The following WNT10A variants were observed in gnomAD, a reference collection of about 807,000 sequenced individuals.
The protein encoded by WNT10A is protein Wnt-10a.
In WNT10A, 37 loss-of-function variants were observed where a neutral mutation model predicts 36.1. The ratio of observed to expected loss-of-function variants is 1.02; its 90% CI spans 0.79 to 1.35. WNT10A has a LOEUF of 1.35. Ranked by LOEUF, WNT10A falls within the 40% of genes most tolerant of loss-of-function variation. WNT10A has a pLI of 0.00. For synonymous variants in WNT10A, 255 were observed against 254.1 expected, an observed-to-expected ratio of 1.00 and a Z score of -0.03; for missense variants, 613 against 601.4, an observed-to-expected ratio of 1.02 and a Z score of -0.20.
rs1206679424 is a variant in WNT10A at position 218,893,389 on chromosome 2, C to T, written c.*118C>T. Reference sequence around the variant, plus strand: ...CTCTTGGGAAGAGGAGATTGGACCACATGATCTTATAGGAACCCCTCAGCT... The same window carrying T: ...CTCTTGGGAAGAGGAGATTGGACCATATGATCTTATAGGAACCCCTCAGCT... On this transcript the variant is annotated 3_prime_UTR_variant, in exon 4 of 4. Coordinates refer to ENST00000258411, the MANE Select transcript of WNT10A (RefSeq NM_025216.3). The surrounding 1 kb of genome is among the most constrained non-coding windows in gnomAD (Gnocchi z 6.3). 1.4e-6 allele frequency: 2 copies of T among 1,392,786 alleles called. No homozygotes were observed. The highest frequency in any genetic ancestry group is 2.5e-5 in the East Asian group (1 of 39,648). The allele number at this position is 1,392,786 out of a possible 1,614,324, so 86.3% of individuals were successfully genotyped here.
At position 218,892,926 on chromosome 2, in the gene WNT10A, C is replaced by T; in HGVS notation, c.909C>T (p.His303=). 2.0e-6 allele frequency: 3 copies of T among 1,497,172 alleles called. No individual in the cohort carries two copies. In the South Asian group the frequency reaches 3.8e-5, roughly 19 times the overall value. The allele number at this position is 1,497,172 out of a possible 1,614,324, so 92.7% of individuals were successfully genotyped here. The part of the protein sequence containing the change: ...RFHRATLIRP[H]NRNGGQLEPG... ...ACCGCGCCACGCTCATCCGGCCGCA[C>T]AACCGCAACGGCGGCCAGCTGGAGC... is the stretch of plus-strand genomic sequence containing the variant. The change falls in exon 4 of 4, where the codon CAC becomes CAT. Residue 303 remains histidine, a synonymous_variant. Transcript: ENST00000258411.
intron 2 of WNT10A, among the ~76,000 whole-genome samples, chr2:218,886,527 C>T (rs1944579333): frequency 6.6e-6 from 1 of 152,198 alleles, no homozygotes; most frequent in Non-Finnish European, 1.5e-5. Context: ...CCGTTGGCTG[C>T]TGTGGCCTGT....
At chr2:218,890,456 C>T in intron 3 of WNT10A, 93 bp downstream of exon 3, 1 of 1,559,364 alleles carries the variant, frequency 6.4e-7, no homozygotes, top group Non-Finnish European at 8.7e-7. Context: ...CCACGTTGCT[C>T]CCACATGTCA....
At chr2:218,883,354 G>A (rs1944540043) in intron 2 of WNT10A, among the ~76,000 whole-genome samples, 1 of 152,136 alleles carries the variant, frequency 6.6e-6, no homozygotes. Flanking sequence ...GAGTGGGAGA[G>A]GTACACATAC....
chr2:218,878,649 G>A (rs945475341), upstream of WNT10A, among the ~76,000 whole-genome samples: 11 of 152,102 alleles, frequency 7.2e-5, no homozygotes, highest in East Asian at 1.9e-4. The surrounding 1 kb of genome is among the most constrained non-coding windows in gnomAD (Gnocchi z 4.1). Flanking sequence ...CCTGGAATCC[G>A]CATTCCCACA....
chr2:218,881,036 C>A lies in WNT10A; in HGVS notation c.41C>A (p.Pro14His). The A allele has an allele frequency of 6.2e-7, 1 of 1,602,072 alleles. No individual in the cohort carries two copies. The highest frequency in any genetic ancestry group is 8.5e-7 in the Non-Finnish European group (1 of 1,174,692). The change falls in exon 1 of 4, where the codon CCC becomes CAC. Residue 14 changes from proline to histidine, a missense_variant. By Grantham distance (77) the Pro-to-His change is moderately conservative. Coordinates refer to ENST00000258411, the MANE Select transcript of WNT10A (RefSeq NM_025216.3). ...CCTCGCCCCTGGCTGCGGCTCCGACCCCAGCCCCAGCCGCGGCCAGCGCTC... is the reference window on the plus strand; with the variant it reads ...CCTCGCCCCTGGCTGCGGCTCCGACACCAGCCCCAGCCGCGGCCAGCGCTC... ...AHPRPWLRLR[P>H]QPQPRPALWV...
the WNT10A span, among the ~76,000 whole-genome samples, chr2:218,874,870 T>C: frequency 1.3e-5 from 2 of 152,334 alleles, no homozygotes; most frequent in Admixed American, 6.5e-5. Context: ...CATTGCTACA[T>C]AACAAACAAC....
chr2:218,884,480 T>TTCCGC (rs1305461503), intron 2 of WNT10A, among the ~76,000 whole-genome samples: 1 of 152,098 alleles, frequency 6.6e-6, no homozygotes, highest in African/African-American at 2.4e-5. Flanking sequence ...CCTCTGTGGC[T>TTCCGC]TCCGCTCCCC....
At chr2:218,884,770 T>G (rs945326113) in intron 2 of WNT10A, among the ~76,000 whole-genome samples, 6 of 152,190 alleles carry the variant, frequency 3.9e-5, no homozygotes, top group Non-Finnish European at 8.8e-5. Flanking sequence ...CTGGTCTACT[T>G]CCTTCCACCA....
intron 1 of WNT10A, among the ~76,000 whole-genome samples, chr2:218,881,570 T>TGTGTGTGTGTGTGTG (rs1205089452): frequency 6.5e-5 from 9 of 139,262 alleles, no homozygotes; most frequent in African/African-American, 2.4e-4. Flanking sequence ...GTGTGTGTGT[T>TGTGTGTGTGTGTGTG]TTCAATCGAG....
In WNT10A at chr2:218,893,317, C is replaced by T; in HGVS notation, c.*46C>T. The T allele has an allele frequency of 6.6e-7, 1 of 1,521,722 alleles. No individual in the cohort carries two copies. The highest frequency in any genetic ancestry group is 8.8e-7 in the Non-Finnish European group (1 of 1,138,318). The allele number at this position is 1,521,722 out of a possible 1,614,324, so 94.3% of individuals were successfully genotyped here. On this transcript the variant is annotated 3_prime_UTR_variant, in exon 4 of 4. Coordinates refer to ENST00000258411, the MANE Select transcript of WNT10A (RefSeq NM_025216.3). This position sits in a 1 kb window ranked among gnomAD's most constrained non-coding sequence, Gnocchi z 6.3. ...CCCTGATCGAGGTCCCCTCCTGGAG[C>T]CTGGCCCTCTGAGGCTTACGGTCTT...
At chr2:218,879,241 C>G (rs1944482497), upstream of WNT10A, among the ~76,000 whole-genome samples, 1 of 152,232 alleles carries the variant, frequency 6.6e-6, no homozygotes, top group South Asian at 2.1e-4. Context: ...GGCCCCACCC[C>G]CTCCTTCAGT....
At chr2:218,874,998 A>G in the WNT10A span, among the ~76,000 whole-genome samples, 1 of 151,736 alleles carries the variant, frequency 6.6e-6, no homozygotes, top group African/African-American at 2.4e-5. Context: ...ATTCTGCTGG[A>G]GTCTCCACTG....
chr2:218,878,707 C>T (rs1944474957), upstream of WNT10A, among the ~76,000 whole-genome samples: 1 of 152,140 alleles, frequency 6.6e-6, no homozygotes, highest in African/African-American at 2.4e-5. The surrounding 1 kb of genome is among the most constrained non-coding windows in gnomAD (Gnocchi z 4.1). Flanking sequence ...GTGGGAAATG[C>T]TAGTGTGAGC....
chr2:218,882,344 A>G lies in WNT10A; in HGVS notation c.297A>G (p.Gln99=), dbSNP rs763599568. 4 of 1,614,166 alleles carry G rather than the reference A, an allele frequency of 2.5e-6. No individual in the cohort carries two copies. In the Admixed American group the frequency reaches 6.7e-5, roughly 27 times the overall value. The change falls in exon 2 of 4, where the codon CAA becomes CAG. Residue 99 remains glutamine, a synonymous_variant. Coordinates refer to ENST00000258411, the MANE Select transcript of WNT10A (RefSeq NM_025216.3). ...TCGCCATCCACGAATGCCAACACCA[A>G]TTCAGGGACCAGCGCTGGAACTGCT... ...IQIAIHECQH[Q]FRDQRWNCSS...
rs1196164395 is a variant in WNT10A, at chr2:218,892,825, A to T, written c.808A>T (p.Ser270Cys). ...GTGCAAGTGCCACGGCACGTCAGGC[A>T]GCTGCCAGCTCAAGACGTGCTGGCA... ...RKCKCHGTSG[S>C]CQLKTCWQVT... Residue 270 changes from serine to cysteine, a missense_variant, in exon 4 of 4, where the codon AGC becomes TGC. Physicochemically the swap from Ser to Cys is moderately radical, Grantham distance 112. Transcript: ENST00000258411. The T allele has an allele frequency of 6.3e-7, 1 of 1,596,818 alleles. No homozygotes were observed. The highest frequency in any genetic ancestry group is 2.3e-5 in the East Asian group (1 of 44,074).
upstream of WNT10A, among the ~76,000 whole-genome samples, chr2:218,879,209 C>A (rs2106009579): frequency 6.6e-6 from 1 of 152,298 alleles, no homozygotes; most frequent in East Asian, 1.9e-4. Flanking sequence ...CCCCCACCAC[C>A]TGACAGTCTG....
chr2:218,878,351 C>T (rs984910203), upstream of WNT10A, among the ~76,000 whole-genome samples: 11 of 152,178 alleles, frequency 7.2e-5, no homozygotes, highest in African/African-American at 2.4e-4. The surrounding 1 kb of genome is among the most constrained non-coding windows in gnomAD (Gnocchi z 4.1). Context: ...GGCAGAGCCA[C>T]GCCTGAGTGC....
chr2:218,886,337 C>A (rs143399824), intron 2 of WNT10A, among the ~76,000 whole-genome samples: 2 of 152,348 alleles, frequency 1.3e-5, no homozygotes, highest in Non-Finnish European at 2.9e-5. Context: ...GGCACATGAG[C>A]AATGCACAGA....
Sources: gnomAD v4.1 joint callset for allele counts (sites outside exome capture counted in the v4.1 genomes callset) on GRCh38, gnomAD v4.1.1 for gene constraint, Gnocchi (gnomAD v3.1) non-coding constraint, MANE v1.5 for transcripts, NCBI Gene and HGNC (gene_info 2026-07-23, HGNC 2026-07-21) for gene names.